The following SLC22A24 variants were observed in gnomAD, a reference collection of about 807,000 sequenced individuals.
SLC22A24 encodes the protein solute carrier family 22 member 24.
SLC22A24 carries 53 observed loss-of-function variants against 49.8 expected under a neutral mutation model. The ratio of observed to expected loss-of-function variants is 1.06; its 90% CI spans 0.85 to 1.34. The LOEUF is 1.34. Ranked by LOEUF, SLC22A24 falls within the 40% of genes most tolerant of loss-of-function variation. The pLI is 0.00. For missense variants in SLC22A24, 786 were observed against 675.9 expected, an observed-to-expected ratio of 1.16 and a Z score of -1.81; for synonymous variants, 302 against 256.4, an observed-to-expected ratio of 1.18 and a Z score of -1.70.
intron 6 of SLC22A24, among the ~76,000 whole-genome samples, chr11:63,083,756 G>A (rs1286387734): frequency 6.6e-6 from 1 of 152,120 alleles, no homozygotes; most frequent in Admixed American, 6.5e-5. Context: ...ATCAATGAAA[G>A]TTAAAAACCT....
intron 4 of SLC22A24, among the ~76,000 whole-genome samples, chr11:63,114,395 G>T (rs2087197441): frequency 6.6e-6 from 1 of 152,122 alleles, no homozygotes; most frequent in Non-Finnish European, 1.5e-5. Context: ...AAGATCTCAT[G>T]CCATGGTTTT....
At chr11:63,102,457 G>A (rs1344225958) in intron 5 of SLC22A24, among the ~76,000 whole-genome samples, 4 of 152,102 alleles carry the variant, frequency 2.6e-5, no homozygotes, top group Non-Finnish European at 4.4e-5. Flanking sequence ...AGGAGCCATA[G>A]GTAGAATAGA....
intron 5 of SLC22A24, among the ~76,000 whole-genome samples, chr11:63,099,857 A>G (rs1317482017): frequency 6.6e-6 from 1 of 152,184 alleles, no homozygotes; most frequent in Admixed American, 6.6e-5. Flanking sequence ...CTGAAAAAGC[A>G]TTTGATAAAA....
intron 2 of SLC22A24, among the ~76,000 whole-genome samples, chr11:63,131,097 C>A (rs1371202750): frequency 6.6e-6 from 1 of 151,742 alleles, no homozygotes; most frequent in Non-Finnish European, 1.5e-5. Flanking sequence ...GGATTGCAAC[C>A]CCTGCTTTTT....
intron 6 of SLC22A24, among the ~76,000 whole-genome samples, chr11:63,093,962 CA>C (rs1278820408): frequency 3.0e-5 from 4 of 135,400 alleles, no homozygotes; most frequent in African/African-American, 1.1e-4. Context: ...ATGGAACAAC[CA>C]AAATTCTTTT....
At chr11:63,084,426 G>A (rs1944049) in intron 6 of SLC22A24, among the ~76,000 whole-genome samples, 78,475 of 151,950 alleles carry the variant, frequency 0.52, 20,277 homozygotes, top group Middle Eastern at 0.54. Flanking sequence ...AAGGAGAAAA[G>A]AGTGTTGGGG....
At chr11:63,127,391 G>A (rs186653569) in intron 2 of SLC22A24, among the ~76,000 whole-genome samples, 2 of 152,130 alleles carry the variant, frequency 1.3e-5, no homozygotes, top group Non-Finnish European at 2.9e-5. Flanking sequence ...GTGGACATTT[G>A]GGTTGGTTCC....
intron 5 of SLC22A24, among the ~76,000 whole-genome samples, chr11:63,096,402 C>T (rs1480590907): frequency 5.3e-5 from 8 of 152,146 alleles, no homozygotes; most frequent in South Asian, 2.1e-4. Flanking sequence ...GGAAATGAAA[C>T]GGTATTTGTT....
At chr11:63,109,587 C>G (rs2087147421) in intron 4 of SLC22A24, among the ~76,000 whole-genome samples, 1 of 149,610 alleles carries the variant, frequency 6.7e-6, no homozygotes, top group Non-Finnish European at 1.5e-5. Flanking sequence ...TTGCATTTCT[C>G]TGATGGCCAG....
intron 5 of SLC22A24, among the ~76,000 whole-genome samples, chr11:63,102,146 C>T (rs771575081): frequency 1.3e-5 from 2 of 152,046 alleles, no homozygotes; most frequent in Non-Finnish European, 2.9e-5. Flanking sequence ...ATAGATACCG[C>T]ATTTACTCTG....
intron 4 of SLC22A24, among the ~76,000 whole-genome samples, chr11:63,106,867 G>C (rs1390197655): frequency 1.5e-4 from 23 of 152,078 alleles, no homozygotes; most frequent in Middle Eastern, 3.4e-3. Flanking sequence ...AATTTTCTCC[G>C]ATTTTTTAGG....
At chr11:63,108,814 CT>C (rs974871676) in intron 4 of SLC22A24, among the ~76,000 whole-genome samples, 108 of 143,294 alleles carry the variant, frequency 7.5e-4, no homozygotes, top group African/African-American at 1.7e-3. Flanking sequence ...CTATTTGATT[CT>C]TTTTTTTTTC....
At chr11:63,106,719 A>C (rs1157959512) in intron 4 of SLC22A24, among the ~76,000 whole-genome samples, 4 of 152,152 alleles carry the variant, frequency 2.6e-5, no homozygotes, top group Non-Finnish European at 5.9e-5. Context: ...TGACTGCATA[A>C]ATGTCTTCTT....
intron 6 of SLC22A24, among the ~76,000 whole-genome samples, chr11:63,093,879 A>G (rs561304255): frequency 5.9e-5 from 9 of 152,268 alleles, no homozygotes; most frequent in African/African-American, 2.2e-4. Context: ...AATTAAATTT[A>G]CAATGTGATA....
rs572844539 is a variant in SLC22A24, at chr11:63,086,108, A to G, written c.1071-2651T>C. On this transcript the variant is annotated intron_variant, in intron 6 of 9. Coordinates refer to ENST00000612278, the MANE Select transcript of SLC22A24 (RefSeq NM_001136506.2). ...GGTGGGAATGTAAATTAGTTCAGCC[A>G]TTCGTGGAAAGCAGTATGGTGATTC... Among the ~76,000 whole-genome samples the G allele has an allele frequency of 2.8e-4, 43 of 152,342 alleles. No individual in the cohort carries two copies. In the South Asian group the frequency reaches 8.7e-3, roughly 31 times the overall value.
In SLC22A24 at chr11:63,115,983, C is replaced by T. The variant is rs542689182; in HGVS notation, c.830+2929G>A. 3.1e-5 allele frequency: 10 copies of T among 321,838 alleles called. No individual in the cohort carries two copies. In the East Asian group the frequency reaches 5.8e-4, roughly 19 times the overall value. 19.9% of individuals were successfully genotyped at this position (321,838 alleles called of 1,614,324 possible). A position where few individuals can be genotyped will look rare whatever the true frequency, so the allele number is the denominator to read the frequency against. ...GGTTTGACCCTTGGCCTTTGGCTGG[C>T]ACTGCCCGAGCCCCTTGACAACATG... On this transcript the variant is annotated intron_variant, in intron 4 of 9. Transcript: ENST00000612278.
At chr11:63,138,583 A>C (rs1041875406) in intron 1 of SLC22A24, among the ~76,000 whole-genome samples, 68 of 136,934 alleles carry the variant, frequency 5.0e-4, no homozygotes, top group Admixed American at 1.0e-3. Flanking sequence ...TGGAGCTTGC[A>C]GTGAGCCAAG....
chr11:63,128,379 C>T (rs2134675489), intron 2 of SLC22A24, among the ~76,000 whole-genome samples: 1 of 152,178 alleles, frequency 6.6e-6, no homozygotes, highest in South Asian at 2.1e-4. Context: ...CTAGGAAAAG[C>T]ACCCGCTACT....
chr11:63,121,073 T>C (rs2087248289), intron 2 of SLC22A24, among the ~76,000 whole-genome samples: 2 of 152,302 alleles, frequency 1.3e-5, no homozygotes, highest in Admixed American at 1.3e-4. Flanking sequence ...ATACATGATA[T>C]TATACTTTTG....
Sources: allele counts gnomAD v4.1 joint callset (sites outside exome capture counted in the v4.1 genomes callset), GRCh38; gene constraint gnomAD v4.1.1; transcripts MANE v1.5; gene names NCBI Gene and HGNC (gene_info 2026-07-23, HGNC 2026-07-21).